The following BANK1 variants were observed in gnomAD, a reference collection of about 807,000 sequenced individuals.
The protein encoded by BANK1 is B-cell scaffold protein with ankyrin repeats.
BANK1 carries 95 observed loss-of-function variants against 94.5 expected under a neutral mutation model. The observed-to-expected ratio is 1.00, with a 90% confidence interval of 0.85 to 1.19. The LOEUF (loss-of-function observed/expected upper bound fraction) is 1.19, where lower values mean the gene tolerates loss of function less well. BANK1 is among the 50% of genes most tolerant of loss of function. The probability of loss-of-function intolerance (pLI) is 0.00; values close to 1 mark genes in which losing one functional copy is unlikely to be tolerated. For synonymous variants in BANK1, 334 were observed against 308.4 expected, an observed-to-expected ratio of 1.08 and a Z score of -0.87; for missense variants, 987 against 932.2, an observed-to-expected ratio of 1.06 and a Z score of -0.77.
chr4:101,807,321 A>G (rs1279495793), intron 1 of BANK1, among the ~76,000 whole-genome samples: 1 of 152,236 alleles, frequency 6.6e-6, no homozygotes, highest in Non-Finnish European at 1.5e-5. Context: ...TGCCATAAGT[A>G]GAAGGTAAAC....
chr4:101,821,580 T>C (rs1467577834), intron 1 of BANK1, among the ~76,000 whole-genome samples: 1 of 152,234 alleles, frequency 6.6e-6, no homozygotes, highest in East Asian at 1.9e-4. Context: ...TTTGTAGTTT[T>C]GGGTTTTGCA....
In BANK1 at chr4:101,946,193, T is replaced by C. The variant is rs188721231; in HGVS notation, c.1206+28004T>C. Among the ~76,000 whole-genome samples the C allele has an allele frequency of 2.0e-5, 3 of 152,074 alleles. No homozygotes were observed. In the East Asian group the frequency reaches 5.8e-4, roughly 30 times the overall value. ...ACACAATAAGAAGACATCAGATCTTTTATAAAGAAATGAAGTTTTATAATG... is the reference window on the plus strand; with the variant it reads ...ACACAATAAGAAGACATCAGATCTTCTATAAAGAAATGAAGTTTTATAATG... On this transcript the variant is annotated intron_variant, in intron 7 of 16. Transcript: ENST00000322953.
intron 7 of BANK1, among the ~76,000 whole-genome samples, chr4:101,957,654 T>G (rs572599876): frequency 6.6e-6 from 1 of 152,320 alleles, no homozygotes; most frequent in South Asian, 2.1e-4. Context: ...TGTTTGCATT[T>G]TCCACTTAAA....
chr4:101,956,597 G>T (rs1724353966), intron 7 of BANK1, among the ~76,000 whole-genome samples: 1 of 152,102 alleles, frequency 6.6e-6, no homozygotes, highest in Non-Finnish European at 1.5e-5. Context: ...ATGATATCCA[G>T]ACTTGGAGAA....
At chr4:101,856,265 T>G (rs1186024497) in intron 3 of BANK1, among the ~76,000 whole-genome samples, 2 of 152,054 alleles carry the variant, frequency 1.3e-5, no homozygotes, top group Non-Finnish European at 2.9e-5. Flanking sequence ...TGCTGTCAGT[T>G]CCAGAGGAAC....
intron 9 of BANK1, among the ~76,000 whole-genome samples, chr4:102,029,543 G>T (rs1476020985): frequency 2.0e-5 from 3 of 146,412 alleles, no homozygotes; most frequent in Admixed American, 6.8e-5. Flanking sequence ...AATATATAAA[G>T]GTATATTTAA....
intron 1 of BANK1, among the ~76,000 whole-genome samples, chr4:101,802,445 T>G (rs573561749): frequency 6.6e-6 from 1 of 152,356 alleles, no homozygotes; most frequent in East Asian, 1.9e-4. Context: ...TTTCTATTTC[T>G]GAGCAACATA....
At chr4:101,853,407 G>A (rs1727565164) in intron 2 of BANK1, among the ~76,000 whole-genome samples, 1 of 152,034 alleles carries the variant, frequency 6.6e-6, no homozygotes, top group African/African-American at 2.4e-5. Flanking sequence ...TACTGCCTTT[G>A]ACTCTTTCTT....
chr4:101,974,379 G>A (rs1725055146), intron 7 of BANK1, among the ~76,000 whole-genome samples: 1 of 152,014 alleles, frequency 6.6e-6, no homozygotes, highest in South Asian at 2.1e-4. Context: ...CTGCCACATT[G>A]GATAAAAAGC....
intron 12 of BANK1, chr4:102,062,334 C>T (rs1455851424): frequency 1.3e-5 from 2 of 152,144 alleles, no homozygotes; most frequent in Non-Finnish European, 2.9e-5. Context: ...CCCCTACTCA[C>T]AGTCACAGAG....
chr4:101,835,611 A>G (rs1726794919), intron 2 of BANK1, among the ~76,000 whole-genome samples: 1 of 152,244 alleles, frequency 6.6e-6, no homozygotes, highest in African/African-American at 2.4e-5. Flanking sequence ...AAGGCAAAAC[A>G]AAACAAACAA....
rs77157588 is a variant in BANK1 at position 101,879,128 on chromosome 4, T to C, written c.903+8484T>C. The stretch of plus-strand genomic sequence containing the variant: ...AGATCAGAGCAGAAATAAATGAAAA[T>C]TGAAATGAAGAAAACAATATAAAAG... On this transcript the variant is annotated intron_variant, in intron 5 of 16. Coordinates refer to ENST00000322953, the MANE Select transcript of BANK1 (RefSeq NM_017935.5). Among the ~76,000 whole-genome samples the C allele has an allele frequency of 4.8e-3, 720 of 151,428 alleles. 13 individuals are homozygous for C. The East Asian group carries it at 0.058, about 12-fold the overall frequency.
intron 5 of BANK1, among the ~76,000 whole-genome samples, chr4:101,891,434 C>A (rs1347027985): frequency 6.6e-6 from 1 of 151,750 alleles, no homozygotes; most frequent in Non-Finnish European, 1.5e-5. Flanking sequence ...ATTTAGTTTC[C>A]AGAAGTTTTA....
chr4:101,838,268 C>T lies in BANK1; in HGVS notation c.469+8062C>T, dbSNP rs191524961. Among the ~76,000 whole-genome samples the T allele has an allele frequency of 6.6e-4, 100 of 152,194 alleles. 1 individual carries two copies. Among genetic ancestry groups the T allele is most frequent in the Non-Finnish European group, 1.3e-3 (89 of 68,002 alleles). Reference sequence around the variant, plus strand: ...ACCATCATGCCCAGCCTCTGGGTAGCTTTTAAACATATTCTTATTATGAAT... The same window carrying T: ...ACCATCATGCCCAGCCTCTGGGTAGTTTTTAAACATATTCTTATTATGAAT... On this transcript the variant is annotated intron_variant, in intron 2 of 16. Transcript: ENST00000322953.
intron 3 of BANK1, among the ~76,000 whole-genome samples, chr4:101,861,508 T>C (rs1727875859): frequency 6.6e-6 from 1 of 152,196 alleles, no homozygotes; most frequent in African/African-American, 2.4e-5. Context: ...AAGAATGTTT[T>C]ATTTTAATTT....
At chr4:101,906,773 G>GT (rs1722465954) in intron 6 of BANK1, among the ~76,000 whole-genome samples, 1 of 152,106 alleles carries the variant, frequency 6.6e-6, no homozygotes, top group African/African-American at 2.4e-5. Flanking sequence ...GAGTACTAGG[G>GT]TGTCTTCCAG....
chr4:101,895,458 T>C, intron 6 of BANK1, 48 bp downstream of exon 6: 1 of 1,113,614 alleles, frequency 9.0e-7, no homozygotes, highest in South Asian at 1.3e-5. Flanking sequence ...CACATTCCAT[T>C]CTATGTAACT....
chr4:101,973,614 T>A (rs1725028130), intron 7 of BANK1, among the ~76,000 whole-genome samples: 1 of 152,094 alleles, frequency 6.6e-6, no homozygotes, highest in Non-Finnish European at 1.5e-5. Flanking sequence ...TTTCCTCTAA[T>A]GGTGGAAAAT....
chr4:101,980,222 C>A (rs963411446), intron 7 of BANK1, among the ~76,000 whole-genome samples: 4 of 151,788 alleles, frequency 2.6e-5, no homozygotes, highest in Admixed American at 2.6e-4. Flanking sequence ...TCAAGAGACT[C>A]TAAAGAATTC....
Sources: allele counts gnomAD v4.1 joint callset (sites outside exome capture counted in the v4.1 genomes callset), GRCh38; gene constraint gnomAD v4.1.1; transcripts MANE v1.5; gene names NCBI Gene and HGNC (gene_info 2026-07-23, HGNC 2026-07-21).